KCNK2: variants seen among roughly 807,000 people sequenced by gnomAD.
KCNK2 encodes potassium two pore domain channel subfamily K member 2, also known as potassium channel subfamily K member 2.
In KCNK2, 21 loss-of-function variants were observed where a neutral mutation model predicts 40.5. The observed-to-expected ratio is 0.52, with a 90% CI of 0.37 to 0.75. KCNK2 has a LOEUF of 0.75. KCNK2 is among the 30% of genes least tolerant of loss of function. The pLI, the probability that KCNK2 is intolerant of heterozygous loss-of-function variation, is 0.00. For missense variants in KCNK2, 399 were observed against 531.6 expected, an observed-to-expected ratio of 0.75 and a Z score of 2.45; for synonymous variants, 191 against 202.2, an observed-to-expected ratio of 0.94 and a Z score of 0.47.
chr1:215,171,638 T>C (rs1483842218), intron 4 of KCNK2, among the ~76,000 whole-genome samples: 2 of 152,150 alleles, frequency 1.3e-5, no homozygotes, highest in Non-Finnish European at 1.5e-5. Context: ...TCAGAAGTAC[T>C]CTAGGTAAAC....
chr1:215,086,811 A>G (rs1571895733), intron 2 of KCNK2, 133 bp downstream of exon 2: 1 of 709,814 alleles, frequency 1.4e-6, no homozygotes, highest in South Asian at 1.8e-5. Context: ...GCCTTAACAT[A>G]TAGCTCTTTT....
At chr1:215,209,363 A>G (rs1385762792) in intron 6 of KCNK2, among the ~76,000 whole-genome samples, 2 of 62,330 alleles carry the variant, frequency 3.2e-5, no homozygotes, top group African/African-American at 1.2e-4. Flanking sequence ...TATATAATAT[A>G]TGCATATATT....
At chr1:215,034,823 C>T (rs560258853) in intron 1 of KCNK2, among the ~76,000 whole-genome samples, 4 of 152,192 alleles carry the variant, frequency 2.6e-5, no homozygotes, top group African/African-American at 9.6e-5. Context: ...TGTTTACTAA[C>T]CCATGTACAT....
chr1:215,188,475 A>G (rs923661580), intron 5 of KCNK2, among the ~76,000 whole-genome samples: 3 of 152,126 alleles, frequency 2.0e-5, no homozygotes, highest in African/African-American at 7.2e-5. Context: ...TAAGCAAACT[A>G]TTTGCTTTCC....
At chr1:215,057,925 C>T (rs1240545051) in intron 1 of KCNK2, among the ~76,000 whole-genome samples, 2 of 152,010 alleles carry the variant, frequency 1.3e-5, no homozygotes, top group Non-Finnish European at 2.9e-5. Context: ...CAGTTTAGTG[C>T]TCAGTGAATA....
chr1:215,059,016 AGTGTATGTATGTATGTGTGT>A (rs1658262794), intron 1 of KCNK2, among the ~76,000 whole-genome samples: 1 of 150,424 alleles, frequency 6.6e-6, no homozygotes, highest in Non-Finnish European at 1.5e-5. Context: ...GTTGTGTGTG[AGTGTATGTATGTATGTGTGT>A]GTGTATGCAC....
chr1:215,083,204 G>GGCCCCCCC lies in KCNK2; in HGVS notation c.-182_-181insGCCCCCCC. ...CGTTTCTTCTCACGCTCCCCCCCCC[G>GGCCCCCCC]CCCCCTCCCGCGTCCAGCCCCGCTC... On this transcript the variant is annotated 5_prime_UTR_variant, in exon 1 of 7. Coordinates refer to ENST00000444842, the MANE Select transcript of KCNK2 (RefSeq NM_001017425.3). 3.7e-6 allele frequency: 1 copy of GGCCCCCCC among 273,550 alleles called. No individual in the cohort carries two copies. Among genetic ancestry groups the GGCCCCCCC allele is most frequent in the Non-Finnish European group, 6.4e-6 (1 of 155,378 alleles). 16.9% of individuals were successfully genotyped at this position (273,550 alleles called of 1,614,324 possible). A position where few individuals can be genotyped will look rare whatever the true frequency, so the allele number is the denominator to read the frequency against.
chr1:215,111,677 T>A (rs1660689565), intron 2 of KCNK2, among the ~76,000 whole-genome samples: 1 of 152,142 alleles, frequency 6.6e-6, no homozygotes, highest in Non-Finnish European at 1.5e-5. Context: ...TTGTTGAACG[T>A]CTTTATGATG....
chr1:215,186,251 A>G (rs1664427274), intron 5 of KCNK2, among the ~76,000 whole-genome samples: 1 of 152,110 alleles, frequency 6.6e-6, no homozygotes, highest in South Asian at 2.1e-4. Flanking sequence ...CTCTACAAAC[A>G]TTTTTAAAAA....
At chr1:215,099,317 A>T (rs796116176) in intron 2 of KCNK2, among the ~76,000 whole-genome samples, 1 of 151,892 alleles carries the variant, frequency 6.6e-6, no homozygotes, top group Non-Finnish European at 1.5e-5. Context: ...CTCTAACTTC[A>T]TCCATGTCCC....
At chr1:215,104,957 A>G (rs1415360845) in intron 2 of KCNK2, among the ~76,000 whole-genome samples, 1 of 152,084 alleles carries the variant, frequency 6.6e-6, no homozygotes, top group Non-Finnish European at 1.5e-5. Context: ...TCTAAAATAT[A>G]GATTTGTAGA....
At chr1:215,153,116 G>C (rs967371396) in intron 3 of KCNK2, among the ~76,000 whole-genome samples, 9 of 152,150 alleles carry the variant, frequency 5.9e-5, no homozygotes, top group African/African-American at 1.7e-4. Flanking sequence ...GGGTAGAAAG[G>C]CTGCTATTAT....
intron 1 of KCNK2, among the ~76,000 whole-genome samples, chr1:215,038,668 G>A (rs1251677940): frequency 6.6e-6 from 1 of 151,960 alleles, no homozygotes. Context: ...TCTAGAACAG[G>A]GAAGCCTTTT....
At chr1:215,210,647 T>G (rs944555035) in intron 6 of KCNK2, among the ~76,000 whole-genome samples, 7 of 151,974 alleles carry the variant, frequency 4.6e-5, no homozygotes, top group African/African-American at 1.7e-4. Flanking sequence ...TTTATATATA[T>G]ATAGAGAGAG....
chr1:215,060,908 A>C (rs951208017), intron 1 of KCNK2, among the ~76,000 whole-genome samples: 9 of 152,200 alleles, frequency 5.9e-5, no homozygotes, highest in African/African-American at 2.2e-4. Flanking sequence ...GATTATTTAT[A>C]TATTTTTAAA....
intron 2 of KCNK2, among the ~76,000 whole-genome samples, chr1:215,120,044 T>G (rs1661113628): frequency 6.6e-6 from 1 of 152,160 alleles, no homozygotes; most frequent in South Asian, 2.1e-4. Flanking sequence ...GGTAGACTCA[T>G]TCTCATAGTG....
At chr1:215,195,648 T>G (rs952397023) in intron 6 of KCNK2, among the ~76,000 whole-genome samples, 2 of 152,316 alleles carry the variant, frequency 1.3e-5, no homozygotes, top group South Asian at 4.1e-4. Flanking sequence ...TTACTTATCT[T>G]ATACAACTAA....
Position 215,083,696 on chromosome 1 carries a change from C to T in KCNK2, c.46+265C>T. The T allele has an allele frequency of 5.3e-6, 3 of 563,024 alleles. No individual in the cohort carries two copies. In the South Asian group the frequency reaches 6.5e-5, roughly 12 times the overall value. The allele number at this position is 563,024 out of a possible 1,614,324, so 34.9% of individuals were successfully genotyped here. On this transcript the variant is annotated intron_variant, in intron 1 of 6. Coordinates refer to ENST00000444842, the MANE Select transcript of KCNK2 (RefSeq NM_001017425.3). ...GTTTGGAACACCTTGGGGGAGTTTC[C>T]CATGGAGAAGGAGGGTCAGCCCTTG...
At chr1:215,007,189 A>G (rs1205238304) in intron 1 of KCNK2, among the ~76,000 whole-genome samples, 376 of 22,744 alleles carry the variant, frequency 0.017, 13 homozygotes, top group African/African-American at 0.051. Flanking sequence ...GTGTGGGTAT[A>G]TATATATATA....
Sources: allele counts gnomAD v4.1 joint callset (sites outside exome capture counted in the v4.1 genomes callset), GRCh38; gene constraint gnomAD v4.1.1; transcripts MANE v1.5; gene names NCBI Gene and HGNC (gene_info 2026-07-23, HGNC 2026-07-21).